The following CCDC91 variants were observed in gnomAD, a reference collection of about 807,000 sequenced individuals.
CCDC91 encodes coiled-coil domain-containing protein 91.
In CCDC91, 48 loss-of-function variants were observed where a neutral mutation model predicts 63.2. That is an observed-to-expected ratio of 0.76 (90% CI 0.60 to 0.97). CCDC91 has a LOEUF of 0.97. Ranked by LOEUF, CCDC91 falls within the 50% of genes least tolerant of loss-of-function variation. The probability of loss-of-function intolerance (pLI) is 0.00; values close to 1 mark genes in which losing one functional copy is unlikely to be tolerated. For missense variants in CCDC91, 500 were observed against 494.6 expected (o/e 1.01, Z -0.10); for synonymous variants, 167 against 165.8 (o/e 1.01, Z -0.06).
In CCDC91 at chr12:28,488,557, A is replaced by G. The variant is rs138024551; in HGVS notation, c.1215+4392A>G. Among the ~76,000 whole-genome samples the G allele has an allele frequency of 1.6e-4, 25 of 151,904 alleles. No individual in the cohort carries two copies. The East Asian group carries it at 4.7e-3, about 28-fold the overall frequency. On this transcript the variant is annotated intron_variant, in intron 12 of 12. Transcript: ENST00000536442. ...TAGAAATTTCTCTGTAAAATCTATCATGCTAATCCTGAGGAAAAAAAAGGA... is the reference window on the plus strand; with the variant it reads ...TAGAAATTTCTCTGTAAAATCTATCGTGCTAATCCTGAGGAAAAAAAAGGA...
chr12:28,477,420 C>T (rs1274273727), intron 11 of CCDC91, among the ~76,000 whole-genome samples: 1 of 152,052 alleles, frequency 6.6e-6, no homozygotes, highest in African/African-American at 2.4e-5. Flanking sequence ...AATTCAACAA[C>T]CCTTCATGCT....
intron 7 of CCDC91, among the ~76,000 whole-genome samples, chr12:28,390,796 A>G (rs1945884896): frequency 6.6e-6 from 1 of 152,136 alleles, no homozygotes; most frequent in Admixed American, 6.5e-5. Flanking sequence ...GAAGTTGCTC[A>G]GAGTTTCCAT....
intron 6 of CCDC91, among the ~76,000 whole-genome samples, chr12:28,342,851 G>A (rs1390003298): frequency 1.3e-5 from 2 of 152,182 alleles, no homozygotes; most frequent in Non-Finnish European, 2.9e-5. Context: ...TAAGAATGGA[G>A]TAAAGAGAGT....
intron 12 of CCDC91, among the ~76,000 whole-genome samples, chr12:28,546,140 A>C (rs1055008903): frequency 6.6e-6 from 1 of 152,102 alleles, no homozygotes; most frequent in Non-Finnish European, 1.5e-5. Flanking sequence ...TTCATCCTCC[A>C]AATACAACTA....
At chr12:28,268,266 T>C (rs1311472540) in intron 3 of CCDC91, among the ~76,000 whole-genome samples, 1 of 151,644 alleles carries the variant, frequency 6.6e-6, no homozygotes, top group Non-Finnish European at 1.5e-5. Context: ...GGTTTCACCA[T>C]GTCAGCCAGG....
chr12:28,415,664 T>TTGTGTGTGTGTGTG (rs61077919), intron 8 of CCDC91, among the ~76,000 whole-genome samples: 100 of 148,506 alleles, frequency 6.7e-4, no homozygotes, highest in African/African-American at 2.1e-3. Context: ...AGATATATAT[T>TTGTGTGTGTGTGTG]TGTGTGTGTG....
chr12:28,249,645 C>T (rs184954928), intron 1 of CCDC91, among the ~76,000 whole-genome samples: 1 of 152,028 alleles, frequency 6.6e-6, no homozygotes, highest in East Asian at 1.9e-4. Flanking sequence ...TTGTACTTTG[C>T]ATGCACACTA....
intron 1 of CCDC91, among the ~76,000 whole-genome samples, chr12:28,241,139 T>C (rs906519189): frequency 4.6e-5 from 7 of 152,192 alleles, no homozygotes; most frequent in Non-Finnish European, 8.8e-5. Flanking sequence ...TCTCTAAAGA[T>C]TGGTGATGTT....
chr12:28,326,916 T>C (rs1236059717), intron 6 of CCDC91, among the ~76,000 whole-genome samples: 1 of 151,996 alleles, frequency 6.6e-6, no homozygotes, highest in Non-Finnish European at 1.5e-5. Context: ...TGCAATAGAA[T>C]TGAAAAGCAG....
intron 8 of CCDC91, among the ~76,000 whole-genome samples, chr12:28,410,270 G>A (rs1168192179): frequency 1.3e-5 from 2 of 152,062 alleles, no homozygotes; most frequent in African/African-American, 4.8e-5. Flanking sequence ...TTATTACTAT[G>A]AAATGCTCAT....
chr12:28,391,909 A>C (rs1216020346), intron 8 of CCDC91, among the ~76,000 whole-genome samples: 1 of 152,166 alleles, frequency 6.6e-6, no homozygotes, highest in African/African-American at 2.4e-5. Flanking sequence ...AGATTTATAG[A>C]TGTGTCATAG....
intron 6 of CCDC91, among the ~76,000 whole-genome samples, chr12:28,348,678 CT>C (rs1942981705): frequency 2.0e-5 from 3 of 151,764 alleles, no homozygotes. Flanking sequence ...TTTTTCTTTC[CT>C]TTATTTTCTC....
intron 1 of CCDC91, among the ~76,000 whole-genome samples, chr12:28,197,408 C>G (rs1857989155): frequency 6.6e-6 from 1 of 152,150 alleles, no homozygotes; most frequent in Non-Finnish European, 1.5e-5. Flanking sequence ...ACCACCTGTG[C>G]TCTTCTTTTG....
chr12:28,531,998 A>G (rs1941776345), intron 12 of CCDC91, among the ~76,000 whole-genome samples: 1 of 152,244 alleles, frequency 6.6e-6, no homozygotes, highest in South Asian at 2.1e-4. Flanking sequence ...GAGTGAGATC[A>G]GGCCTCAGAG....
intron 8 of CCDC91, among the ~76,000 whole-genome samples, chr12:28,403,399 A>G: frequency 6.6e-6 from 1 of 152,130 alleles, no homozygotes; most frequent in Non-Finnish European, 1.5e-5. Flanking sequence ...AAGAAGTCCA[A>G]GATCAAGGTA....
intron 8 of CCDC91, among the ~76,000 whole-genome samples, chr12:28,443,903 C>T (rs558090140): frequency 6.6e-6 from 1 of 152,164 alleles, no homozygotes; most frequent in Non-Finnish European, 1.5e-5. Flanking sequence ...ATAAAACTTG[C>T]TAAACGCAAA....
At chr12:28,516,227 G>T (rs1319486227) in intron 12 of CCDC91, among the ~76,000 whole-genome samples, 1 of 151,842 alleles carries the variant, frequency 6.6e-6, no homozygotes, top group Non-Finnish European at 1.5e-5. Context: ...TCAATCTGTT[G>T]GGGTTTCATT....
intron 3 of CCDC91, among the ~76,000 whole-genome samples, chr12:28,269,104 G>A (rs140245804): frequency 2.0e-5 from 3 of 152,264 alleles, no homozygotes; most frequent in Non-Finnish European, 2.9e-5. Flanking sequence ...ACTGATGCCC[G>A]TAATGAATAC....
chr12:28,341,109 C>T (rs12369144), intron 6 of CCDC91, among the ~76,000 whole-genome samples: 28,206 of 152,086 alleles, frequency 0.19, 3,436 homozygotes, highest in Non-Finnish European at 0.28. Flanking sequence ...TGACGTCTGT[C>T]GGTGTGCTTT....
Sources: allele counts gnomAD v4.1 joint callset (sites outside exome capture counted in the v4.1 genomes callset), GRCh38; gene constraint gnomAD v4.1.1; transcripts MANE v1.5; gene names NCBI Gene and HGNC (gene_info 2026-07-23, HGNC 2026-07-21).